SPATA7: variants seen among roughly 807,000 people sequenced by gnomAD.
The protein encoded by SPATA7 is spermatogenesis-associated protein 7.
In SPATA7, 43 loss-of-function variants were observed where a neutral mutation model predicts 51.8. The observed-to-expected ratio is 0.83, with a 90% CI of 0.65 to 1.07. The LOEUF is 1.07. SPATA7 is among the 50% of genes least tolerant of loss of function. The pLI is 0.00. For synonymous variants in SPATA7, 230 were observed against 252.8 expected, an observed-to-expected ratio of 0.91 and a Z score of 0.86; for missense variants, 683 against 701.3, an observed-to-expected ratio of 0.97 and a Z score of 0.30.
At chr14:88,470,240 T>G (rs1488258796) in exon 5 of SPATA7, 7 of 607,218 alleles carry the variant, frequency 1.2e-5, no homozygotes, top group Non-Finnish European at 2.0e-5. Flanking sequence ...TTTGCATTAC[T>G]GACATTTTTA....
chr14:88,466,082 G>GAGGGGA (rs986865868), intron 4 of SPATA7: 4 of 151,778 alleles, frequency 2.6e-5, no homozygotes, highest in Admixed American at 1.3e-4. Flanking sequence ...GAGGGAGGGG[G>GAGGGGA]AGGGGAAGAA....
intron 5 of SPATA7, among the ~76,000 whole-genome samples, chr14:88,424,333 T>C (rs1465565837): frequency 6.6e-6 from 1 of 152,178 alleles, no homozygotes; most frequent in East Asian, 1.9e-4. Flanking sequence ...AAAAATAGGA[T>C]ACAAGGTAGA....
At chr14:88,441,944 T>A (rs1226605258), downstream of SPATA7, among the ~76,000 whole-genome samples, 1 of 152,304 alleles carries the variant, frequency 6.6e-6, no homozygotes, top group East Asian at 1.9e-4. Context: ...GCTTTTCTGA[T>A]GTTATATTCT....
intron 6 of SPATA7, 35 bp downstream of exon 6, chr14:88,426,739 A>T (rs780174244): frequency 2.5e-5 from 39 of 1,550,118 alleles, no homozygotes; most frequent in Non-Finnish European, 3.1e-5. Flanking sequence ...TAAATCCTTC[A>T]GGAAATTAAA....
At chr14:88,392,770 A>G (rs1198607067) in intron 2 of SPATA7, among the ~76,000 whole-genome samples, 3 of 152,068 alleles carry the variant, frequency 2.0e-5, no homozygotes, top group Admixed American at 2.0e-4. Context: ...GCCTATATTT[A>G]TATTTTATAC....
rs781049303 is a variant in SPATA7 at position 88,396,219 on chromosome 14, A to G, written c.238+16A>G. The G allele has an allele frequency of 2.5e-6, 4 of 1,595,180 alleles. No homozygotes were observed. The highest frequency in any genetic ancestry group is 2.2e-4 in the Middle Eastern group (1 of 4,496). ...AGCATAAAGTGTAAGTAATTTTTGG[A>G]CATTATTACCTTTTTAAAAAAAAAT... On this transcript the variant is annotated intron_variant, in intron 4 of 11. Transcript: ENST00000393545.
At position 88,423,493 on chromosome 14, in the gene SPATA7, C is replaced by T. The variant is rs191050498; in HGVS notation, c.373-2739C>T. On this transcript the variant is annotated intron_variant, in intron 5 of 11. Transcript: ENST00000393545. ...ATTAATTGAGCCCAGGAGGTCGTGG[C>T]TGCAGTGAGCCATGATCAGGCCACT... 8.1e-4 allele frequency among the ~76,000 whole-genome samples: 123 copies of T among 150,978 alleles called. 3 individuals are homozygous for T. The highest frequency in any genetic ancestry group is 2.2e-4 in the Non-Finnish European group (15 of 67,830).
intron 5 of SPATA7, among the ~76,000 whole-genome samples, chr14:88,417,970 T>TG (rs1359120740): frequency 3.3e-5 from 5 of 152,230 alleles, no homozygotes; most frequent in African/African-American, 1.2e-4. Context: ...TTTTGACTAC[T>TG]GATTCAATTT....
In SPATA7 at chr14:88,469,349, C is replaced by T; in HGVS notation, c.255-498C>T. On this transcript the variant is annotated intron_variant, in intron 4 of 4. Transcript: ENST00000556406. This position sits in a 1 kb window ranked among gnomAD's most constrained non-coding sequence, Gnocchi z 4.3. ...ATCATAATTTATAAACCTCGTTAAC[C>T]CTCCCCAAAACACTTGTATTCTTTA... 1 of 775,778 alleles carries T rather than the reference C, an allele frequency of 1.3e-6. No individual in the cohort carries two copies. The allele number at this position is 775,778 out of a possible 1,614,324, so 48.1% of individuals were successfully genotyped here. A position where few individuals can be genotyped will look rare whatever the true frequency, so the allele number is the denominator to read the frequency against.
intron 1 of SPATA7, among the ~76,000 whole-genome samples, chr14:88,387,716 C>T (rs942944018): frequency 8.5e-5 from 13 of 152,278 alleles, no homozygotes; most frequent in African/African-American, 2.6e-4. Context: ...TTCCTACTAA[C>T]TAACTAGGTA....
downstream of SPATA7, among the ~76,000 whole-genome samples, chr14:88,439,311 TGTG>T (rs1383770242): frequency 4.0e-5 from 6 of 149,272 alleles, no homozygotes. Flanking sequence ...TGTCTCTTGT[TGTG>T]AGTGCAAACA....
chr14:88,465,120 T>C (rs1343931164), intron 4 of SPATA7, among the ~76,000 whole-genome samples: 1 of 152,200 alleles, frequency 6.6e-6, no homozygotes, highest in African/African-American at 2.4e-5. Flanking sequence ...TCACAGTAGA[T>C]GTTCCAGAAG....
At chr14:88,447,414 C>G (rs967541351) in intron 3 of SPATA7, among the ~76,000 whole-genome samples, 3 of 151,236 alleles carry the variant, frequency 2.0e-5, no homozygotes, top group Admixed American at 1.3e-4. Context: ...ATACAGCACA[C>G]TGATGGGTCT....
chr14:88,419,325 C>A (rs555942795), intron 5 of SPATA7, among the ~76,000 whole-genome samples: 47 of 151,892 alleles, frequency 3.1e-4, no homozygotes, highest in Non-Finnish European at 6.0e-4. Flanking sequence ...CTTTGAATTT[C>A]TTTACCTTAA....
intron 4 of SPATA7, chr14:88,465,938 AC>A (rs2077356032): frequency 6.6e-6 from 1 of 152,208 alleles, no homozygotes; most frequent in Admixed American, 6.5e-5. Flanking sequence ...TCAAATTATT[AC>A]AACAGGAACA....
At chr14:88,425,042 A>G (rs951371629) in intron 5 of SPATA7, among the ~76,000 whole-genome samples, 7 of 152,312 alleles carry the variant, frequency 4.6e-5, no homozygotes, top group Admixed American at 4.6e-4. Context: ...AGTAGACAAT[A>G]TGATAAAGTG....
chr14:88,426,638 C>T lies in SPATA7; in HGVS notation c.779C>T (p.Thr260Ile), dbSNP rs778817427. 1.8e-5 allele frequency: 29 copies of T among 1,613,854 alleles called. No individual in the cohort carries two copies. The highest frequency in any genetic ancestry group is 2.3e-5 in the Non-Finnish European group (27 of 1,180,028). ...KSFLSQYRYY[T>I]PAKRKKDFTD... ...TTCCTGTCACAGTATCGCTATTATACACCTGCCAAAAGAAAAAAGGATTTT... is the reference window on the plus strand; with the variant it reads ...TTCCTGTCACAGTATCGCTATTATATACCTGCCAAAAGAAAAAAGGATTTT... Residue 260 changes from threonine to isoleucine, a missense_variant, in exon 6 of 12, where the codon ACA (threonine) becomes ATA (isoleucine). By Grantham distance (89) the Thr-to-Ile change is moderately conservative. Transcript: ENST00000393545.
intron 4 of SPATA7, 60 bp downstream of exon 4, chr14:88,396,263 C>T: frequency 8.1e-7 from 1 of 1,239,468 alleles, no homozygotes; most frequent in Non-Finnish European, 1.2e-6. Context: ...ATATACATAA[C>T]ATAAAATTTA....
chr14:88,440,964 T>A (rs2077174285), downstream of SPATA7, among the ~76,000 whole-genome samples: 2 of 152,132 alleles, frequency 1.3e-5, no homozygotes, highest in South Asian at 4.1e-4. Flanking sequence ...TGTAGTCTTT[T>A]ATCCCTCACT....
Sources: gnomAD v4.1 joint callset for allele counts (sites outside exome capture counted in the v4.1 genomes callset) on GRCh38, gnomAD v4.1.1 for gene constraint, Gnocchi (gnomAD v3.1) non-coding constraint, MANE v1.5 for transcripts, NCBI Gene and HGNC (gene_info 2026-07-23, HGNC 2026-07-21) for gene names.